Variants in NRG2 observed in about 807,000 individuals in gnomAD.
NRG2 encodes neuregulin 2.
In NRG2, 27 loss-of-function variants were observed where a neutral mutation model predicts 73.9. The observed-to-expected ratio is 0.37, with a 90% CI of 0.27 to 0.50. The LOEUF is 0.50. NRG2 is among the 20% of genes least tolerant of loss of function. NRG2 has a pLI of 0.96. For missense variants in NRG2, 1,126 were observed against 1,210.1 expected, an observed-to-expected ratio of 0.93 and a Z score of 1.03; for synonymous variants, 532 against 541.0, an observed-to-expected ratio of 0.98 and a Z score of 0.23.
Position 139,904,406 on chromosome 5 carries a change from G to C in NRG2, c.701-16895C>G. 1 of 1,518,724 alleles carries C rather than the reference G, an allele frequency of 6.6e-7. No individual in the cohort carries two copies. Among genetic ancestry groups the C allele is most frequent in the East Asian group, 2.3e-5 (1 of 42,610 alleles). The allele number at this position is 1,518,724 out of a possible 1,614,324, so 94.1% of individuals were successfully genotyped here. A position where few individuals can be genotyped will look rare whatever the true frequency, so the allele number is the denominator to read the frequency against. On this transcript the variant is annotated intron_variant, in intron 1 of 9. Coordinates refer to ENST00000361474, the MANE Select transcript of NRG2 (RefSeq NM_004883.3). This position sits in a 1 kb window ranked among gnomAD's most constrained non-coding sequence, Gnocchi z 6.0. ...CTCCTGGACTCCGACATTCTGCACG[G>C]GGTCCCAGGCGGTGGGACGGCCTCA...
At chr5:139,898,310 C>T (rs1255129244) in intron 1 of NRG2, among the ~76,000 whole-genome samples, 1 of 152,268 alleles carries the variant, frequency 6.6e-6, no homozygotes, top group African/African-American at 2.4e-5. Context: ...ATCTGCACCG[C>T]AGGCATGAGA....
chr5:139,922,960 T>C (rs1399063772), intron 1 of NRG2, among the ~76,000 whole-genome samples: 1 of 152,040 alleles, frequency 6.6e-6, no homozygotes, highest in African/African-American at 2.4e-5. Flanking sequence ...GAGGGAGGAA[T>C]GAAGAGGTGA....
chr5:140,029,817 A>G (rs1346903758), intron 1 of NRG2, among the ~76,000 whole-genome samples: 1 of 152,144 alleles, frequency 6.6e-6, no homozygotes, highest in Non-Finnish European at 1.5e-5. Flanking sequence ...ACCCTCTACA[A>G]AGTGGTCAAA....
At chr5:139,860,277 C>T (rs926858995) in intron 5 of NRG2, among the ~76,000 whole-genome samples, 7 of 152,148 alleles carry the variant, frequency 4.6e-5, no homozygotes, top group Admixed American at 1.3e-4. Context: ...CAGGAGCCCC[C>T]CTGCTCCTCC....
At chr5:139,848,729 C>T (rs1158328728) in intron 9 of NRG2, 32 bp from the exon 10 acceptor site, 1 of 1,098,440 alleles carries the variant, frequency 9.1e-7, no homozygotes, top group Admixed American at 5.7e-5. Flanking sequence ...TGGGCCAGGG[C>T]CAGGCCGGGC....
chr5:139,948,522 C>A (rs1007304632), intron 1 of NRG2, among the ~76,000 whole-genome samples: 10 of 152,324 alleles, frequency 6.6e-5, no homozygotes, highest in African/African-American at 2.4e-4. Context: ...TGCATCTCAA[C>A]TACTAGCCCA....
chr5:139,852,561 TG>T lies in NRG2; in HGVS notation c.1417-3del, dbSNP rs1294220525. 2 of 1,613,454 alleles carry T rather than the reference TG, an allele frequency of 1.2e-6. No homozygotes were observed. The highest frequency in any genetic ancestry group is 1.7e-6 in the Non-Finnish European group (2 of 1,179,678). On this transcript the variant is annotated splice_polypyrimidine_tract_variant and splice_region_variant and intron_variant, in intron 7 of 9. Transcript: ENST00000361474. The surrounding 1 kb of genome is among the most constrained non-coding windows in gnomAD (Gnocchi z 4.4). ...GGCTGGCACGTTCTTGGAAATATACTGGAACAGACAGAGTTGGGCGAGAGTT... is the reference window on the plus strand; with the variant it reads ...GGCTGGCACGTTCTTGGAAATATACTGAACAGACAGAGTTGGGCGAGAGTT...
At chr5:139,928,054 AC>A (rs1407863620) in intron 1 of NRG2, among the ~76,000 whole-genome samples, 1 of 151,784 alleles carries the variant, frequency 6.6e-6, no homozygotes, top group Non-Finnish European at 1.5e-5. Flanking sequence ...TCACACAATC[AC>A]CCCACAGCAC....
chr5:139,909,055 G>A (rs1364216251), intron 1 of NRG2, among the ~76,000 whole-genome samples: 1 of 152,232 alleles, frequency 6.6e-6, no homozygotes, highest in Non-Finnish European at 1.5e-5. Context: ...AGTGAGCAGG[G>A]CTTGGGGATG....
intron 5 of NRG2, among the ~76,000 whole-genome samples, chr5:139,861,340 C>T (rs1252810636): frequency 6.6e-6 from 1 of 152,182 alleles, no homozygotes; most frequent in East Asian, 1.9e-4. Context: ...ACGTGGCAAT[C>T]CGCAGGAAGT....
chr5:140,011,091 C>G (rs1305335883), intron 1 of NRG2, among the ~76,000 whole-genome samples: 1 of 152,228 alleles, frequency 6.6e-6, no homozygotes. Context: ...TTCAGGTGAT[C>G]TTATCTTGTT....
At chr5:139,967,678 T>C (rs1024750236) in intron 1 of NRG2, among the ~76,000 whole-genome samples, 6 of 152,174 alleles carry the variant, frequency 3.9e-5, no homozygotes, top group African/African-American at 1.4e-4. Context: ...TTCTTACCTA[T>C]GAAAGGAGAA....
At chr5:139,969,689 A>G (rs1359320112) in intron 1 of NRG2, among the ~76,000 whole-genome samples, 1 of 152,106 alleles carries the variant, frequency 6.6e-6, no homozygotes, top group African/African-American at 2.4e-5. Flanking sequence ...ATAAGACACA[A>G]CTCTTGCCCT....
chr5:139,864,980 G>C (rs568968110), intron 5 of NRG2: 1 of 782,830 alleles, frequency 1.3e-6, no homozygotes, highest in African/African-American at 1.7e-5. Context: ...GGTGCCGGGG[G>C]TGTTTCCGTC....
intron 5 of NRG2, among the ~76,000 whole-genome samples, chr5:139,857,137 T>A (rs1561628292): frequency 6.6e-6 from 1 of 152,210 alleles, no homozygotes; most frequent in Non-Finnish European, 1.5e-5. Context: ...CCCCCTGGGC[T>A]TTGGAATGGT....
chr5:140,004,119 G>A (rs1758706458), intron 1 of NRG2, among the ~76,000 whole-genome samples: 1 of 152,150 alleles, frequency 6.6e-6, no homozygotes, highest in Non-Finnish European at 1.5e-5. Flanking sequence ...AATTTTCTGT[G>A]AGTGCCAGTA....
chr5:140,012,231 A>AC (rs59623536), intron 1 of NRG2, among the ~76,000 whole-genome samples: 127,568 of 152,090 alleles, frequency 0.84, 53,834 homozygotes, highest in African/African-American at 0.93. Context: ...AGATTCTTCA[A>AC]TCCCAAGGCG....
chr5:139,961,957 C>T lies in NRG2; in HGVS notation c.701-74446G>A, dbSNP rs185600971. On this transcript the variant is annotated intron_variant, in intron 1 of 9. Coordinates refer to ENST00000361474, the MANE Select transcript of NRG2 (RefSeq NM_004883.3). ...CAGCCCCATGCAAATGCCCCCCAGC[C>T]TCCCAAGGTGTCTCCTCTCCACTGA... Among the ~76,000 whole-genome samples, 148 of 152,314 alleles carry T rather than the reference C, an allele frequency of 9.7e-4. 1 individual carries two copies. The highest frequency in any genetic ancestry group is 3.3e-3 in the Admixed American group (51 of 15,306).
At chr5:139,855,141 G>T (rs1483103377) in intron 6 of NRG2, among the ~76,000 whole-genome samples, 1 of 152,128 alleles carries the variant, frequency 6.6e-6, no homozygotes. Context: ...CTGTCCTTTT[G>T]TCTCAATTGC....
Sources: allele counts gnomAD v4.1 joint callset (sites outside exome capture counted in the v4.1 genomes callset), GRCh38; gene constraint gnomAD v4.1.1; non-coding constraint Gnocchi (gnomAD v3.1); transcripts MANE v1.5; gene names NCBI Gene and HGNC (gene_info 2026-07-23, HGNC 2026-07-21).